CSNK2A2IP: variants seen among roughly 807,000 people sequenced by gnomAD.
CSNK2A2IP encodes the protein casein kinase II subunit alpha'-interacting protein.
the CSNK2A2IP span, among the ~76,000 whole-genome samples, chr3:88,389,895 A>G: frequency 1.3e-5 from 2 of 151,660 alleles, no homozygotes; most frequent in African/African-American, 4.8e-5. Flanking sequence ...TATAAAAGTA[A>G]TGGCTGGGTT....
At chr3:88,392,049 A>G in the CSNK2A2IP span, among the ~76,000 whole-genome samples, 1 of 152,186 alleles carries the variant, frequency 6.6e-6, no homozygotes, top group Non-Finnish European at 1.5e-5. Flanking sequence ...ATGTAGAATC[A>G]AAAGAATTTG....
At chr3:88,355,670 A>G in the CSNK2A2IP span, among the ~76,000 whole-genome samples, 3 of 152,150 alleles carry the variant, frequency 2.0e-5, no homozygotes, top group Admixed American at 6.5e-5. Flanking sequence ...TTATTATTTG[A>G]ATATTTGAGG....
the CSNK2A2IP span, among the ~76,000 whole-genome samples, chr3:88,425,850 C>A: frequency 7.9e-5 from 12 of 152,066 alleles, no homozygotes; most frequent in Admixed American, 7.2e-4. Context: ...TATTTACATT[C>A]TTTGTATTAT....
the CSNK2A2IP span, among the ~76,000 whole-genome samples, chr3:88,433,567 T>C: frequency 6.6e-6 from 1 of 152,262 alleles, no homozygotes; most frequent in Admixed American, 6.5e-5. Context: ...AACTTTAGGG[T>C]CTTATTCTTG....
chr3:88,352,007 T>C, the CSNK2A2IP span, among the ~76,000 whole-genome samples: 8 of 152,130 alleles, frequency 5.3e-5, no homozygotes, highest in African/African-American at 1.9e-4. Flanking sequence ...CAACCACTTA[T>C]CATATTGCTT....
chr3:88,453,211 C>T, the CSNK2A2IP span, among the ~76,000 whole-genome samples: 2 of 152,058 alleles, frequency 1.3e-5, no homozygotes, highest in African/African-American at 2.4e-5. Context: ...AATCTCTGAA[C>T]TTAGTGCACT....
the CSNK2A2IP span, among the ~76,000 whole-genome samples, chr3:88,460,409 C>T: frequency 6.6e-6 from 1 of 152,072 alleles, no homozygotes; most frequent in African/African-American, 2.4e-5. Flanking sequence ...TATATGATAG[C>T]AGGATTTAAA....
the CSNK2A2IP span, among the ~76,000 whole-genome samples, chr3:88,370,395 CAG>C: frequency 1.3e-5 from 2 of 151,842 alleles, no homozygotes; most frequent in Non-Finnish European, 2.9e-5. Context: ...AGTGGCTAGA[CAG>C]ATATATTCAC....
chr3:88,380,931 G>T, the CSNK2A2IP span, among the ~76,000 whole-genome samples: 3 of 152,100 alleles, frequency 2.0e-5, no homozygotes, highest in African/African-American at 4.8e-5. Context: ...TTCCTGCCAA[G>T]GAGCCTAGAT....
chr3:88,464,095 T>C, the CSNK2A2IP span, among the ~76,000 whole-genome samples: 2 of 142,618 alleles, frequency 1.4e-5, no homozygotes, highest in Non-Finnish European at 3.0e-5. Context: ...TTCTCACTCA[T>C]AGGTGGGAAT....
At chr3:88,428,189 C>T in the CSNK2A2IP span, among the ~76,000 whole-genome samples, 2 of 152,158 alleles carry the variant, frequency 1.3e-5, no homozygotes, top group Admixed American at 6.6e-5. Context: ...TGCATGGGTC[C>T]TATAGCCCCT....
the CSNK2A2IP span, among the ~76,000 whole-genome samples, chr3:88,462,956 T>A: frequency 6.6e-6 from 1 of 152,146 alleles, no homozygotes; most frequent in South Asian, 2.1e-4. Flanking sequence ...AAAAGAATGA[T>A]GTAAGGCTTG....
chr3:88,397,411 T>C, the CSNK2A2IP span, among the ~76,000 whole-genome samples: 73 of 152,290 alleles, frequency 4.8e-4, no homozygotes, highest in African/African-American at 1.7e-3. Context: ...CTTTTATTAG[T>C]TTTGTCAAGT....
At chr3:88,344,171 T>C in the CSNK2A2IP span, among the ~76,000 whole-genome samples, 1 of 151,966 alleles carries the variant, frequency 6.6e-6, no homozygotes, top group East Asian at 1.9e-4. Flanking sequence ...AGTAGCAAGC[T>C]GTTAACTATC....
At chr3:88,343,562 G>A in the CSNK2A2IP span, among the ~76,000 whole-genome samples, 1 of 151,794 alleles carries the variant, frequency 6.6e-6, no homozygotes, top group East Asian at 1.9e-4. Flanking sequence ...AATGACATTG[G>A]TATAGGAATC....
the CSNK2A2IP span, among the ~76,000 whole-genome samples, chr3:88,456,788 A>G: frequency 6.6e-6 from 1 of 150,898 alleles, no homozygotes; most frequent in Non-Finnish European, 1.5e-5. Flanking sequence ...CTTTTTCCCA[A>G]CTGTGTATTT....
the CSNK2A2IP span, among the ~76,000 whole-genome samples, chr3:88,372,251 G>A: frequency 6.6e-6 from 1 of 151,214 alleles, no homozygotes; most frequent in East Asian, 1.9e-4. Flanking sequence ...TGTGTTTTTT[G>A]CCATTACTTT....
the CSNK2A2IP span, among the ~76,000 whole-genome samples, chr3:88,451,211 T>C: frequency 6.6e-6 from 1 of 152,146 alleles, no homozygotes; most frequent in Non-Finnish European, 1.5e-5. Flanking sequence ...TTTGACAGTA[T>C]AGAGTGAACC....
At chr3:88,452,925 G>T in the CSNK2A2IP span, among the ~76,000 whole-genome samples, 438 of 152,196 alleles carry the variant, frequency 2.9e-3, 2 homozygotes, top group African/African-American at 9.8e-3. Context: ...CAATTAGTTT[G>T]CATGTTTGTG....
Sources: allele counts gnomAD v4.1 joint callset (sites outside exome capture counted in the v4.1 genomes callset), GRCh38; gene constraint gnomAD v4.1.1; transcripts MANE v1.5; gene names NCBI Gene and HGNC (gene_info 2026-07-23, HGNC 2026-07-21).